The following MB variants were observed in gnomAD, a reference collection of about 807,000 sequenced individuals.
MB encodes the protein myoglobin.
A neutral mutation model predicts 14.5 loss-of-function variants in MB; 10 were observed. The ratio of observed to expected loss-of-function variants is 0.69; its 90% CI spans 0.43 to 1.17. MB has a LOEUF of 1.17. Ranked by LOEUF, MB falls within the 50% of genes most tolerant of loss-of-function variation. The pLI is 0.00. For missense variants in MB, 169 were observed against 192.7 expected (o/e 0.88, Z 0.73); for synonymous variants, 89 against 78.6 (o/e 1.13, Z -0.70).
chr22:35,620,737 T>C (rs551758437), upstream of MB, among the ~76,000 whole-genome samples: 1 of 152,240 alleles, frequency 6.6e-6, no homozygotes, highest in South Asian at 2.1e-4. Flanking sequence ...CCCGAGAGTG[T>C]CAGAACACCC....
chr22:35,608,324 G>C lies in MB; in HGVS notation c.319-881C>G, dbSNP rs764389825. ...GGAGAAAATCAAGTGGCCAGACCGA[G>C]GTCACGCAGGAAGCAGAGAGCAGAG... On this transcript the variant is annotated intron_variant, in intron 2 of 2. Transcript: ENST00000397326. This position sits in a 1 kb window ranked among gnomAD's most constrained non-coding sequence, Gnocchi z 4.3. Among the ~76,000 whole-genome samples the C allele has an allele frequency of 7.2e-5, 11 of 152,250 alleles. No individual in the cohort carries two copies. Among genetic ancestry groups the C allele is most frequent in the Non-Finnish European group, 1.3e-4 (9 of 68,044 alleles).
chr22:35,612,949 G>A (rs1922754338), intron 1 of MB, among the ~76,000 whole-genome samples: 2 of 152,016 alleles, frequency 1.3e-5, no homozygotes, highest in South Asian at 2.1e-4. Context: ...ACAGAGACAC[G>A]CACAAGCCTG....
In MB at chr22:35,606,976, G is replaced by A; in HGVS notation, c.*321C>T. 1 of 243,534 alleles carries A rather than the reference G, an allele frequency of 4.1e-6. No individual in the cohort carries two copies. The highest frequency in any genetic ancestry group is 7.9e-6 in the Non-Finnish European group (1 of 126,274). 15.1% of individuals were successfully genotyped at this position (243,534 alleles called of 1,614,324 possible). ...GGTGTAGTTAATGGCTTGGATTTGG[G>A]GTTACAGCCAGTTTGGAGGTTGGAA... On this transcript the variant is annotated 3_prime_UTR_variant, in exon 3 of 3. Coordinates refer to ENST00000397326, the MANE Select transcript of MB (RefSeq NM_005368.3).
chr22:35,607,475 C>A, intron 2 of MB, 32 bp from the exon 3 acceptor site: 1 of 1,607,384 alleles, frequency 6.2e-7, no homozygotes, highest in South Asian at 1.1e-5. Context: ...AAAATGGTCA[C>A]CAGGGTGGGA....
upstream of MB, among the ~76,000 whole-genome samples, chr22:35,620,621 T>C (rs1923400633): frequency 6.6e-6 from 1 of 152,154 alleles, no homozygotes; most frequent in Admixed American, 6.5e-5. Flanking sequence ...ACATCTGACC[T>C]GGGGCCCCCT....
chr22:35,609,078 C>T (rs977616864), intron 2 of MB, among the ~76,000 whole-genome samples: 1 of 152,166 alleles, frequency 6.6e-6, no homozygotes, highest in Non-Finnish European at 1.5e-5. Flanking sequence ...ATCTTGGCTG[C>T]ATGGTTTTTT....
rs551377756 is a variant in MB, at chr22:35,613,620, C to T, written c.96-2514G>A. On this transcript the variant is annotated intron_variant, in intron 1 of 2. Coordinates refer to ENST00000397326, the MANE Select transcript of MB (RefSeq NM_005368.3). Reference sequence around the variant, plus strand: ...AAGTGATCCTCCTACCTCAGCCTCCCGCGTAGCTGGGACTACAGGCACACA... The same window carrying T: ...AAGTGATCCTCCTACCTCAGCCTCCTGCGTAGCTGGGACTACAGGCACACA... 5.9e-5 allele frequency among the ~76,000 whole-genome samples: 9 copies of T among 152,250 alleles called. No homozygotes were observed. In the South Asian group the frequency reaches 6.2e-4, roughly 11 times the overall value.
chr22:35,612,420 T>C (rs988335158), intron 1 of MB, among the ~76,000 whole-genome samples: 1 of 152,206 alleles, frequency 6.6e-6, no homozygotes, highest in Admixed American at 6.5e-5. Context: ...TTTTTCTTTT[T>C]TGAGATGGAA....
At chr22:35,613,227 G>C (rs1922784318) in intron 1 of MB, among the ~76,000 whole-genome samples, 1 of 152,252 alleles carries the variant, frequency 6.6e-6, no homozygotes, top group African/African-American at 2.4e-5. Context: ...GCAGAGCAGG[G>C]CCAAGAATTT....
At chr22:35,607,828 A>G (rs1256736273) in intron 2 of MB, among the ~76,000 whole-genome samples, 1 of 152,212 alleles carries the variant, frequency 6.6e-6, no homozygotes, top group Admixed American at 6.5e-5. Context: ...GCAGCAGAAA[A>G]GAAGGGAAAT....
exon 1 of MB, chr22:35,623,250 CAG>C (rs1262328326): frequency 6.6e-6 from 1 of 152,332 alleles, no homozygotes; most frequent in African/African-American, 2.4e-5. Context: ...AGTCTGGCTT[CAG>C]AGTCTCTGCT....
rs749408316 is a variant in MB, at chr22:35,607,336, G to A, written c.426C>T (p.Asp142=). ...CCAGCTCCTTGTAGTTGGAGGCCAT[G>A]TCCTTCCGGAACAGCTCCAGGGCCT... ...MNKALELFRK[D]MASNYKELGF... is the part of the protein sequence containing the mutation. The change falls in exon 3 of 3, where the codon GAC becomes GAT. Residue 142 remains aspartate (D), a synonymous_variant. Transcript: ENST00000397326. 2.5e-6 allele frequency: 4 copies of A among 1,614,098 alleles called. No homozygotes were observed. The highest frequency in any genetic ancestry group is 3.4e-6 in the Non-Finnish European group (4 of 1,179,920).
Position 35,607,155 on chromosome 22 carries a change from C to A in MB, c.*142G>T. 1.0e-6 allele frequency: 1 copy of A among 981,502 alleles called. No individual in the cohort carries two copies. The highest frequency in any genetic ancestry group is 1.9e-5 in the South Asian group (1 of 52,150). 60.8% of individuals were successfully genotyped at this position (981,502 alleles called of 1,614,324 possible). ...TGCAAAGCCAACTTCAACACCCCAG[C>A]CCCAGCCCCTCAGCTCCTCCTGCCC... is the stretch of plus-strand genomic sequence containing the variant. On this transcript the variant is annotated 3_prime_UTR_variant, in exon 3 of 3. Transcript: ENST00000397326.
At chr22:35,614,923 G>A (rs1030798650) in intron 1 of MB, among the ~76,000 whole-genome samples, 3 of 152,016 alleles carry the variant, frequency 2.0e-5, no homozygotes, top group South Asian at 2.1e-4. Context: ...CCCCAAAACA[G>A]CCAAAGTAAA....
chr22:35,609,286 A>G (rs1922393298), intron 2 of MB, among the ~76,000 whole-genome samples: 1 of 152,200 alleles, frequency 6.6e-6, no homozygotes, highest in Non-Finnish European at 1.5e-5. Context: ...ATAAAGTGCC[A>G]TGGTGCAGGG....
upstream of MB, among the ~76,000 whole-genome samples, chr22:35,620,758 G>A (rs947813371): frequency 2.0e-5 from 3 of 152,178 alleles, no homozygotes; most frequent in South Asian, 2.1e-4. Flanking sequence ...CTGAGGGTGC[G>A]GGGCAGGGCA....
upstream of MB, among the ~76,000 whole-genome samples, chr22:35,618,862 C>T (rs1360587331): frequency 1.3e-5 from 2 of 151,560 alleles, no homozygotes; most frequent in East Asian, 1.9e-4. Context: ...CTCCATTCAT[C>T]ATCCCTCCCT....
intron 1 of MB, among the ~76,000 whole-genome samples, chr22:35,614,573 G>C (rs1922915887): frequency 1.3e-5 from 2 of 151,600 alleles, no homozygotes; most frequent in South Asian, 4.2e-4. Context: ...TGTGTGACTT[G>C]GCGTAAGTTA....
At chr22:35,620,315 G>A (rs540327052), upstream of MB, among the ~76,000 whole-genome samples, 1 of 152,258 alleles carries the variant, frequency 6.6e-6, no homozygotes, top group South Asian at 2.1e-4. Context: ...GCAACAGAGC[G>A]AGCCTCCATC....
Sources: allele counts gnomAD v4.1 joint callset (sites outside exome capture counted in the v4.1 genomes callset), GRCh38; gene constraint gnomAD v4.1.1; non-coding constraint Gnocchi (gnomAD v3.1); transcripts MANE v1.5; gene names NCBI Gene and HGNC (gene_info 2026-07-23, HGNC 2026-07-21).